GLRX3: variants seen among roughly 807,000 people sequenced by gnomAD.
GLRX3 encodes the protein glutaredoxin 3, also known as glutaredoxin-3.
In GLRX3, 22 loss-of-function variants were observed where a neutral mutation model predicts 49.5. The ratio of observed to expected loss-of-function variants is 0.44; its 90% CI spans 0.32 to 0.63. The LOEUF is 0.63. Ranked by LOEUF, GLRX3 falls within the 30% of genes least tolerant of loss-of-function variation. GLRX3 has a pLI of 0.05. For missense variants in GLRX3, 385 were observed against 396.3 expected (o/e 0.97, Z 0.24); for synonymous variants, 133 against 140.0 (o/e 0.95, Z 0.35).
chr10:130,158,182 C>T (rs1862512842), intron 2 of GLRX3, among the ~76,000 whole-genome samples: 1 of 151,946 alleles, frequency 6.6e-6, no homozygotes, highest in South Asian at 2.1e-4. Flanking sequence ...CACTGGAAAT[C>T]AGCAGGAATA....
At chr10:130,140,235 G>C (rs998382000) in intron 1 of GLRX3, among the ~76,000 whole-genome samples, 5 of 152,216 alleles carry the variant, frequency 3.3e-5, no homozygotes, top group Non-Finnish European at 7.3e-5. Context: ...ATTTGCTGAT[G>C]AAGAGCTGAA....
intron 10 of GLRX3, among the ~76,000 whole-genome samples, chr10:130,177,209 G>A (rs1039796514): frequency 6.6e-6 from 1 of 152,136 alleles, no homozygotes; most frequent in African/African-American, 2.4e-5. Context: ...CGTTTGTTTT[G>A]TTGAATGAGG....
At chr10:130,171,831 T>G (rs1590073042) in intron 8 of GLRX3, among the ~76,000 whole-genome samples, 195 bp downstream of exon 8, 2 of 151,958 alleles carry the variant, frequency 1.3e-5, no homozygotes, top group Non-Finnish European at 2.9e-5. Flanking sequence ...CCAGGCATGG[T>G]CACATACATC....
At position 130,169,502 on chromosome 10, in the gene GLRX3, A is replaced by T; in HGVS notation, c.771+12A>T. 1 of 1,562,806 alleles carries T rather than the reference A, an allele frequency of 6.4e-7. No individual in the cohort carries two copies. Among genetic ancestry groups the T allele is most frequent in the Non-Finnish European group, 8.8e-7 (1 of 1,133,306 alleles). ...AAGGAAACAAACAGGTAAAGAACTC[A>T]AAAATGGTTTTATTTGTAATTTCTT... On this transcript the variant is annotated intron_variant, in intron 7 of 10. Transcript: ENST00000331244.
chr10:130,143,037 T>C (rs1194857585), intron 1 of GLRX3, among the ~76,000 whole-genome samples: 2 of 152,214 alleles, frequency 1.3e-5, no homozygotes, highest in African/African-American at 4.8e-5. Flanking sequence ...GACATCATAC[T>C]AACAACCCAT....
chr10:130,152,259 T>C (rs534008747), intron 2 of GLRX3, among the ~76,000 whole-genome samples: 2 of 152,274 alleles, frequency 1.3e-5, no homozygotes, highest in East Asian at 3.9e-4. Context: ...CCTCAAATGA[T>C]CCACCTGCCT....
At position 130,161,652 on chromosome 10, in the gene GLRX3, G is replaced by T. The variant is rs188104397; in HGVS notation, c.478+655G>T. Among the ~76,000 whole-genome samples the T allele has an allele frequency of 5.9e-5, 9 of 152,284 alleles. No individual in the cohort carries two copies. The East Asian group carries it at 1.5e-3, about 26-fold the overall frequency. On this transcript the variant is annotated intron_variant, in intron 4 of 10. Coordinates refer to ENST00000331244, the MANE Select transcript of GLRX3 (RefSeq NM_006541.5). ...CCTTAAGTAAGTTTTAGAGTTATTTGACCCCTCTGGTAGTGGGTTTATGTT... is the reference window on the plus strand; with the variant it reads ...CCTTAAGTAAGTTTTAGAGTTATTTTACCCCTCTGGTAGTGGGTTTATGTT...
At chr10:130,167,327 C>G (rs1032023480) in intron 6 of GLRX3, among the ~76,000 whole-genome samples, 1 of 152,172 alleles carries the variant, frequency 6.6e-6, no homozygotes, top group Non-Finnish European at 1.5e-5. Context: ...TCGTGTTTTA[C>G]TGGGTGCAGC....
chr10:130,166,812 A>T, intron 5 of GLRX3, 107 bp from the exon 6 acceptor site: 1 of 902,924 alleles, frequency 1.1e-6, no homozygotes, highest in South Asian at 1.5e-5. Context: ...ATGAATACAC[A>T]GTATTTCTGA....
Position 130,146,530 on chromosome 10 carries a change from T to G in GLRX3, c.201+1211T>G, listed in dbSNP as rs562347954. ...GGAAAGCTGTAGTTTTGACTGTGGA[T>G]TAACTCAATTGGTTTAGCACGTTAA... On this transcript the variant is annotated intron_variant, in intron 2 of 10. Coordinates refer to ENST00000331244, the MANE Select transcript of GLRX3 (RefSeq NM_006541.5). Among the ~76,000 whole-genome samples, 4 of 152,328 alleles carry G rather than the reference T, an allele frequency of 2.6e-5. No individual in the cohort carries two copies. In the South Asian group the frequency reaches 6.2e-4, roughly 24 times the overall value.
At chr10:130,153,116 C>T (rs1277284224) in intron 2 of GLRX3, among the ~76,000 whole-genome samples, 1 of 152,166 alleles carries the variant, frequency 6.6e-6, no homozygotes, top group Admixed American at 6.5e-5. Context: ...CTTGTGTATG[C>T]TTCACGCAGT....
At chr10:130,178,756 G>T (rs1041467659) in intron 10 of GLRX3, among the ~76,000 whole-genome samples, 1 of 152,220 alleles carries the variant, frequency 6.6e-6, no homozygotes, top group Non-Finnish European at 1.5e-5. Flanking sequence ...AGGCTGGAGT[G>T]CAATGGCACG....
chr10:130,136,955 C>T (rs1030796989), intron 1 of GLRX3, among the ~76,000 whole-genome samples: 1 of 152,208 alleles, frequency 6.6e-6, no homozygotes, highest in Non-Finnish European at 1.5e-5. Flanking sequence ...CTCCACCTTT[C>T]CTGTGCCCGC....
At chr10:130,148,512 A>T (rs1862311226) in intron 2 of GLRX3, among the ~76,000 whole-genome samples, 1 of 129,530 alleles carries the variant, frequency 7.7e-6, no homozygotes, top group Non-Finnish European at 1.6e-5. Flanking sequence ...GGATCAGTTC[A>T]TTTTTGTGAC....
In GLRX3 at chr10:130,169,580, G is replaced by C. The variant is rs906968196; in HGVS notation, c.771+90G>C. 54 of 836,612 alleles carry C rather than the reference G, an allele frequency of 6.5e-5. No individual in the cohort carries two copies. The Admixed American group carries it at 1.0e-3, about 16-fold the overall frequency. 51.8% of individuals were successfully genotyped at this position (836,612 alleles called of 1,614,324 possible). The stretch of plus-strand genomic sequence containing the variant: ...CAGTTAAATCTTTTTCCTAGCTTTA[G>C]CTAATGAAGCTGTAGCGATATCAGG... On this transcript the variant is annotated intron_variant, in intron 7 of 10. Coordinates refer to ENST00000331244, the MANE Select transcript of GLRX3 (RefSeq NM_006541.5).
intron 2 of GLRX3, among the ~76,000 whole-genome samples, chr10:130,152,376 G>A (rs1023648840): frequency 2.6e-5 from 4 of 152,118 alleles, no homozygotes; most frequent in African/African-American, 4.8e-5. Context: ...TTGCCCGTTC[G>A]TTAATGCAGT....
chr10:130,163,923 A>C (rs1002705894), intron 4 of GLRX3, among the ~76,000 whole-genome samples: 5 of 152,232 alleles, frequency 3.3e-5, no homozygotes, highest in Non-Finnish European at 7.3e-5. Context: ...TATCTCTGCT[A>C]ACACCACTGA....
At chr10:130,156,937 TGTA>T (rs1163003982) in intron 2 of GLRX3, among the ~76,000 whole-genome samples, 2 of 152,198 alleles carry the variant, frequency 1.3e-5, no homozygotes, top group Admixed American at 6.5e-5. Context: ...TATTTTTGAT[TGTA>T]GTAGTAGAAA....
chr10:130,149,613 C>G (rs1489348868), intron 2 of GLRX3, among the ~76,000 whole-genome samples: 1 of 151,972 alleles, frequency 6.6e-6, no homozygotes, highest in Non-Finnish European at 1.5e-5. Flanking sequence ...ACACCTTTGT[C>G]ATTTAATTAA....
Sources: allele counts gnomAD v4.1 joint callset (sites outside exome capture counted in the v4.1 genomes callset), GRCh38; gene constraint gnomAD v4.1.1; transcripts MANE v1.5; gene names NCBI Gene and HGNC (gene_info 2026-07-23, HGNC 2026-07-21).